The following RANBP2 variants were observed in gnomAD, a reference collection of about 807,000 sequenced individuals.
RANBP2 encodes the protein E3 SUMO-protein ligase RanBP2.
In RANBP2, 57 loss-of-function variants were observed where a neutral mutation model predicts 303.6. That is an observed-to-expected ratio of 0.19 (90% CI 0.15 to 0.23). RANBP2 has a LOEUF of 0.23. RANBP2 is among the 10% of genes least tolerant of loss of function. The probability of loss-of-function intolerance (pLI) is 1.00; values close to 1 mark genes in which losing one functional copy is unlikely to be tolerated. For synonymous variants in RANBP2, 1,167 were observed against 1,301.5 expected (o/e 0.90, Z 2.23); for missense variants, 3,138 against 3,780.8 (o/e 0.83, Z 4.46).
the RANBP2 span, among the ~76,000 whole-genome samples, chr2:109,472,882 G>A: frequency 3.3e-5 from 5 of 152,196 alleles, no homozygotes; most frequent in Non-Finnish European, 5.9e-5. Flanking sequence ...AGGGCAGACA[G>A]CCCTGCTCCA....
chr2:109,644,770 C>T, the RANBP2 span, among the ~76,000 whole-genome samples: 8 of 152,282 alleles, frequency 5.3e-5, no homozygotes, highest in African/African-American at 7.2e-5. Flanking sequence ...CTTTTCTTAG[C>T]GGAGCTGTCA....
chr2:109,348,039 G>T, the RANBP2 span: 1 of 1,469,934 alleles, frequency 6.8e-7, no homozygotes, highest in Non-Finnish European at 9.1e-7. Context: ...TAGCCAGACA[G>T]TCTTTCTTCA....
At chr2:109,694,507 G>A in the RANBP2 span, among the ~76,000 whole-genome samples, 59 of 151,296 alleles carry the variant, frequency 3.9e-4, no homozygotes, top group Non-Finnish European at 6.8e-4. Flanking sequence ...AGGTTCAAGC[G>A]ATTCTCCTGC....
chr2:109,545,035 G>A, the RANBP2 span: 3 of 985,250 alleles, frequency 3.0e-6, no homozygotes, highest in Non-Finnish European at 3.6e-6. Flanking sequence ...AGCCACCAAT[G>A]GGCCAAGGTT....
chr2:109,507,053 C>G, the RANBP2 span, among the ~76,000 whole-genome samples: 1 of 152,324 alleles, frequency 6.6e-6, no homozygotes, highest in Non-Finnish European at 1.5e-5. Context: ...CAAGTGGAGA[C>G]TGTCCAGGAG....
the RANBP2 span, among the ~76,000 whole-genome samples, chr2:109,080,832 T>C: frequency 0.96 from 145,553 of 152,292 alleles, 69,875 homozygotes; most frequent in Non-Finnish European, 1. Flanking sequence ...TTGTATTAAT[T>C]AGAACTCTCT....
chr2:108,839,150 G>A, the RANBP2 span: 1 of 1,572,078 alleles, frequency 6.4e-7, no homozygotes, highest in African/African-American at 1.4e-5. Context: ...AAAATACTGT[G>A]CCTTTGTATT....
the RANBP2 span, chr2:109,490,606 A>G: frequency 1.4e-6 from 2 of 1,431,044 alleles, no homozygotes; most frequent in Non-Finnish European, 1.8e-6. Flanking sequence ...TCTCCCCAGA[A>G]AGAGAAGAAG....
At chr2:109,646,556 A>G in the RANBP2 span, among the ~76,000 whole-genome samples, 1 of 151,952 alleles carries the variant, frequency 6.6e-6, no homozygotes, top group Non-Finnish European at 1.5e-5. Context: ...CAATGGCACA[A>G]TCTCGGCTCA....
chr2:109,129,779 G>T, the RANBP2 span: 3 of 1,538,664 alleles, frequency 1.9e-6, no homozygotes, highest in Admixed American at 2.0e-5. Flanking sequence ...TTCTGCCGCC[G>T]CTGCCTGGAG....
chr2:109,019,027 G>T, the RANBP2 span, among the ~76,000 whole-genome samples: 2 of 152,222 alleles, frequency 1.3e-5, no homozygotes, highest in Non-Finnish European at 2.9e-5. Flanking sequence ...AGTCACAGAG[G>T]CGCCTGTTCT....
chr2:109,045,933 G>A, the RANBP2 span, among the ~76,000 whole-genome samples: 1 of 151,484 alleles, frequency 6.6e-6, no homozygotes, highest in East Asian at 1.9e-4. Flanking sequence ...GACAAGATGA[G>A]CACAGTTTTA....
At chr2:109,413,350 G>GT in the RANBP2 span, among the ~76,000 whole-genome samples, 1 of 152,188 alleles carries the variant, frequency 6.6e-6, no homozygotes, top group African/African-American at 2.4e-5. Context: ...CTGACCTCAG[G>GT]TGATCTGCTT....
chr2:109,150,563 ACCC>A, the RANBP2 span, among the ~76,000 whole-genome samples: 1 of 152,116 alleles, frequency 6.6e-6, no homozygotes, highest in South Asian at 2.1e-4. Context: ...TGCTATGATT[ACCC>A]CCATTGTGCA....
chr2:109,569,377 G>C, the RANBP2 span, among the ~76,000 whole-genome samples: 2 of 150,428 alleles, frequency 1.3e-5, no homozygotes, highest in South Asian at 4.2e-4. Flanking sequence ...GTTGCAGTGA[G>C]CCGAGATCGC....
chr2:108,806,127 A>G, the RANBP2 span, among the ~76,000 whole-genome samples: 1 of 152,058 alleles, frequency 6.6e-6, no homozygotes, highest in East Asian at 1.9e-4. Flanking sequence ...TTCTCACCTG[A>G]TCTAATTCTT....
chr2:109,519,994 C>T, the RANBP2 span, among the ~76,000 whole-genome samples: 2 of 152,134 alleles, frequency 1.3e-5, no homozygotes, highest in African/African-American at 2.4e-5. Context: ...TGCATCTACA[C>T]GTGAGATGAA....
the RANBP2 span, among the ~76,000 whole-genome samples, chr2:109,200,371 G>C: frequency 2.0e-5 from 3 of 152,090 alleles, no homozygotes; most frequent in Admixed American, 2.0e-4. Context: ...GGGGTTGCCT[G>C]TGGTTTTCTG....
At chr2:109,076,688 G>T in the RANBP2 span, among the ~76,000 whole-genome samples, 4 of 149,978 alleles carry the variant, frequency 2.7e-5, no homozygotes, top group African/African-American at 9.7e-5. Flanking sequence ...AACCAAGGAG[G>T]TGAAAAAGAA....
Sources: gnomAD v4.1 joint callset for allele counts (sites outside exome capture counted in the v4.1 genomes callset) on GRCh38, gnomAD v4.1.1 for gene constraint, MANE v1.5 for transcripts, NCBI Gene and HGNC (gene_info 2026-07-23, HGNC 2026-07-21) for gene names.